The following LMTK2 variants were observed in gnomAD, a reference collection of about 807,000 sequenced individuals.
The protein encoded by LMTK2 is serine/threonine-protein kinase LMTK2.
A neutral mutation model predicts 127.5 loss-of-function variants in LMTK2; 37 were observed. That is an observed-to-expected ratio of 0.29 (90% CI 0.22 to 0.38). The LOEUF is 0.38. LMTK2 is among the 10% of genes least tolerant of loss of function. The pLI is 1.00. For missense variants in LMTK2, 1,694 were observed against 1,920.3 expected, an observed-to-expected ratio of 0.88 and a Z score of 2.20; for synonymous variants, 819 against 810.1, an observed-to-expected ratio of 1.01 and a Z score of -0.19.
chr7:98,130,657 A>AT (rs1458368685), intron 1 of LMTK2, among the ~76,000 whole-genome samples: 1 of 152,118 alleles, frequency 6.6e-6, no homozygotes, highest in Non-Finnish European at 1.5e-5. Context: ...GGAAGAGGAA[A>AT]TTTGGACACA....
At chr7:98,190,224 T>A (rs1217015685) in intron 9 of LMTK2, among the ~76,000 whole-genome samples, 1 of 152,238 alleles carries the variant, frequency 6.6e-6, no homozygotes, top group Non-Finnish European at 1.5e-5. Context: ...GGCATGGTCT[T>A]CCTCATTTTA....
intron 4 of LMTK2, 137 bp downstream of exon 4, chr7:98,151,592 C>T (rs928993782): frequency 3.0e-6 from 2 of 659,308 alleles, no homozygotes; most frequent in Non-Finnish European, 5.1e-6. Flanking sequence ...CCCATTCCCC[C>T]TGTGGCAGCG....
chr7:98,199,010 G>C (rs570689884), intron 11 of LMTK2, among the ~76,000 whole-genome samples: 2 of 152,076 alleles, frequency 1.3e-5, no homozygotes, highest in Non-Finnish European at 2.9e-5. Context: ...TAATTTCCAA[G>C]AGTTGGAGAT....
intron 2 of LMTK2, among the ~76,000 whole-genome samples, chr7:98,139,367 T>G (rs1360684275): frequency 6.6e-6 from 1 of 152,138 alleles, no homozygotes; most frequent in African/African-American, 2.4e-5. Flanking sequence ...CTCCCGCCTC[T>G]GCCTCCCAAA....
At position 98,208,985 on chromosome 7, in the gene LMTK2, G is replaced by A. The variant is rs1797849262; in HGVS notation, c.*3493G>A. On this transcript the variant is annotated 3_prime_UTR_variant, in exon 14 of 14. Transcript: ENST00000297293. ...CTGCATGCCTGTCCCCAGGGCCCCG[G>A]TGGAAGGAAGGCAGCGCCTGCTCTT... The A allele has an allele frequency of 6.6e-6, 1 of 152,176 alleles. No individual in the cohort carries two copies. Among genetic ancestry groups the A allele is most frequent in the Non-Finnish European group, 1.5e-5 (1 of 68,028 alleles). 9.4% of individuals were successfully genotyped at this position (152,176 alleles called of 1,614,324 possible).
intron 1 of LMTK2, among the ~76,000 whole-genome samples, chr7:98,119,315 CAAGG>C (rs1158974103): frequency 6.6e-6 from 1 of 152,048 alleles, no homozygotes; most frequent in Non-Finnish European, 1.5e-5. Flanking sequence ...TAGTGAGAAT[CAAGG>C]AAAGGAGGAA....
chr7:98,129,339 GC>G (rs1384804685), intron 1 of LMTK2, among the ~76,000 whole-genome samples: 1 of 149,636 alleles, frequency 6.7e-6, no homozygotes, highest in Non-Finnish European at 1.5e-5. Flanking sequence ...GCCGTACCTG[GC>G]CCATAAGTTT....
intron 11 of LMTK2, among the ~76,000 whole-genome samples, chr7:98,197,477 T>G (rs1797641052): frequency 6.6e-6 from 1 of 152,240 alleles, no homozygotes; most frequent in Non-Finnish European, 1.5e-5. Flanking sequence ...CACAGTGTTC[T>G]TGAGACAAAA....
chr7:98,179,855 T>C (rs114048093), intron 7 of LMTK2, among the ~76,000 whole-genome samples: 5 of 152,250 alleles, frequency 3.3e-5, no homozygotes, highest in South Asian at 4.2e-4. Flanking sequence ...GGAATCCACA[T>C]TGAGGACCAG....
At chr7:98,201,912 A>G (rs960177445) in intron 11 of LMTK2, among the ~76,000 whole-genome samples, 4 of 152,046 alleles carry the variant, frequency 2.6e-5, no homozygotes, top group Admixed American at 6.5e-5. Context: ...ACCTGGCCCA[A>G]TTTCTTTGTA....
chr7:98,178,488 G>A (rs1273855441), intron 7 of LMTK2, among the ~76,000 whole-genome samples: 1 of 152,170 alleles, frequency 6.6e-6, no homozygotes, highest in Non-Finnish European at 1.5e-5. Context: ...GTCACAGCAA[G>A]TGCTGCCAAG....
intron 1 of LMTK2, among the ~76,000 whole-genome samples, chr7:98,124,394 T>G (rs1042213614): frequency 2.0e-5 from 3 of 152,252 alleles, no homozygotes; most frequent in Admixed American, 1.3e-4. Context: ...CATGACTGTT[T>G]CCCAGCACTT....
At chr7:98,156,929 C>A (rs1240080182) in intron 5 of LMTK2, among the ~76,000 whole-genome samples, 1 of 152,138 alleles carries the variant, frequency 6.6e-6, no homozygotes, top group African/African-American at 2.4e-5. Flanking sequence ...GTTGCAGGAT[C>A]TGCTTTACTC....
At chr7:98,143,543 A>G (rs550782725) in intron 3 of LMTK2, among the ~76,000 whole-genome samples, 2 of 152,350 alleles carry the variant, frequency 1.3e-5, no homozygotes, top group East Asian at 1.9e-4. Flanking sequence ...CAATAAACAT[A>G]GTAACCTCGT....
chr7:98,157,837 G>A (rs1417375351), intron 5 of LMTK2, among the ~76,000 whole-genome samples: 1 of 152,192 alleles, frequency 6.6e-6, no homozygotes, highest in Non-Finnish European at 1.5e-5. Context: ...CATGGGTGGG[G>A]CGGGAAGATC....
chr7:98,197,713 G>T (rs558677006), intron 11 of LMTK2, among the ~76,000 whole-genome samples: 8 of 152,014 alleles, frequency 5.3e-5, no homozygotes, highest in African/African-American at 1.9e-4. Flanking sequence ...GTGGTGGCCC[G>T]CACCTATAGT....
chr7:98,166,049 C>T (rs991484210), intron 6 of LMTK2, among the ~76,000 whole-genome samples: 1 of 152,248 alleles, frequency 6.6e-6, no homozygotes, highest in Non-Finnish European at 1.5e-5. Flanking sequence ...CTTGGCCCTC[C>T]CCACGCCTGG....
At position 98,194,394 on chromosome 7, in the gene LMTK2, C is replaced by T. The variant is rs181117109; in HGVS notation, c.3929C>T (p.Ser1310Leu). 3.8e-5 allele frequency: 62 copies of T among 1,614,034 alleles called. No individual in the cohort carries two copies. Among genetic ancestry groups the T allele is most frequent in the Admixed American group, 6.7e-5 (4 of 60,012 alleles). ...AACCTGCATAGCCTCAGCTCCGAGT[C>T]GGAGGACGAGACCGAGCACCCCGTG... is the stretch of plus-strand genomic sequence containing the variant. ...AFNLHSLSSESEDETEHPVPI... is the reference protein window; with the variant it reads ...AFNLHSLSSELEDETEHPVPI... Residue 1310 changes from serine to leucine, a missense_variant, in exon 11 of 14, where the codon TCG becomes TTG. Ser to Leu is a moderately radical substitution (Grantham distance 145). Coordinates refer to ENST00000297293, the MANE Select transcript of LMTK2 (RefSeq NM_014916.4). This position sits in a 1 kb window ranked among gnomAD's most constrained non-coding sequence, Gnocchi z 5.4.
chr7:98,189,723 G>C (rs1488396912), intron 9 of LMTK2, among the ~76,000 whole-genome samples: 1 of 152,198 alleles, frequency 6.6e-6, no homozygotes, highest in Non-Finnish European at 1.5e-5. Flanking sequence ...AGCCAGCAGA[G>C]GCTGTTTCCA....
Sources: allele counts gnomAD v4.1 joint callset (sites outside exome capture counted in the v4.1 genomes callset), GRCh38; gene constraint gnomAD v4.1.1; non-coding constraint Gnocchi (gnomAD v3.1); transcripts MANE v1.5; gene names NCBI Gene and HGNC (gene_info 2026-07-23, HGNC 2026-07-21).